The following ERBB4 variants were observed in gnomAD, a reference collection of about 807,000 sequenced individuals.
ERBB4 encodes receptor tyrosine-protein kinase erbB-4.
Under a neutral mutation model 158.0 loss-of-function variants are expected in ERBB4, and 42 were observed. That is an observed-to-expected ratio of 0.27 (90% CI 0.21 to 0.34). The LOEUF (loss-of-function observed/expected upper bound fraction) is 0.34. ERBB4 is among the 10% of genes least tolerant of loss of function. The pLI is 1.00. For synonymous variants in ERBB4, 583 were observed against 558.7 expected (o/e 1.04, Z -0.61); for missense variants, 1,333 against 1,624.1 (o/e 0.82, Z 3.08).
chr2:212,112,379 A>T (rs2079437924), intron 2 of ERBB4, among the ~76,000 whole-genome samples: 1 of 151,992 alleles, frequency 6.6e-6, no homozygotes, highest in Non-Finnish European at 1.5e-5. Flanking sequence ...CTGTCTGCTC[A>T]GGGTCCCCAA....
rs116787238 is a variant in ERBB4, at chr2:212,038,493, G to A, written c.234+86259C>T. Among the ~76,000 whole-genome samples, 161 of 152,216 alleles carry A rather than the reference G, an allele frequency of 1.1e-3. 1 individual carries two copies. Among genetic ancestry groups the A allele is most frequent in the Non-Finnish European group, 1.7e-3 (117 of 67,982 alleles). The stretch of plus-strand genomic sequence containing the variant: ...GTGTGTGACTGAAACAAAGAGGACG[G>A]CTGTTCAAAAATGTATGTCTAAAAT... On this transcript the variant is annotated intron_variant, in intron 2 of 27. Transcript: ENST00000342788.
At chr2:212,472,823 T>C (rs186431141) in intron 1 of ERBB4, among the ~76,000 whole-genome samples, 2 of 152,060 alleles carry the variant, frequency 1.3e-5, no homozygotes, top group Admixed American at 1.3e-4. Context: ...CTGTGGTCCA[T>C]ACTTTCAGTA....
chr2:211,905,647 C>CATAT (rs56758130), intron 3 of ERBB4, among the ~76,000 whole-genome samples: 5,408 of 71,030 alleles, frequency 0.076, 264 homozygotes, highest in East Asian at 0.16. Flanking sequence ...TAGGAAGGAT[C>CATAT]ATATATATAT....
intron 5 of ERBB4, among the ~76,000 whole-genome samples, chr2:211,746,637 T>C (rs987423744): frequency 2.6e-5 from 4 of 152,042 alleles, no homozygotes; most frequent in African/African-American, 9.7e-5. Context: ...AAGACCAGCC[T>C]GACCAACATG....
chr2:212,116,243 A>ATATATTAGATTGATAAATACTAGTCTATT (rs1219355699), intron 2 of ERBB4, among the ~76,000 whole-genome samples: 5 of 151,668 alleles, frequency 3.3e-5, no homozygotes, highest in Non-Finnish European at 7.4e-5. Context: ...ATATCTTTAT[A>ATATATTAGATTGATAAATACTAGTCTATT]TATATTAGAT....
intron 20 of ERBB4, among the ~76,000 whole-genome samples, chr2:211,462,080 G>T (rs2064548583): frequency 6.6e-6 from 1 of 151,966 alleles, no homozygotes; most frequent in African/African-American, 2.4e-5. Flanking sequence ...TCATGGTTTT[G>T]CAGGCTCTAC....
chr2:211,532,335 AC>A (rs1238135856), intron 20 of ERBB4, among the ~76,000 whole-genome samples: 4 of 152,048 alleles, frequency 2.6e-5, no homozygotes, highest in African/African-American at 9.6e-5. Context: ...TGTGATTGAT[AC>A]CCCATTTACC....
At chr2:211,535,941 C>T (rs1470428910) in intron 20 of ERBB4, among the ~76,000 whole-genome samples, 1 of 151,192 alleles carries the variant, frequency 6.6e-6, no homozygotes, top group African/African-American at 2.4e-5. Context: ...TATTAACAGG[C>T]CTACACATGT....
At chr2:212,055,067 C>T (rs778799744) in intron 2 of ERBB4, among the ~76,000 whole-genome samples, 8 of 152,240 alleles carry the variant, frequency 5.3e-5, no homozygotes, top group South Asian at 2.1e-4. Flanking sequence ...GAAGCAGTGA[C>T]GGATGGCACC....
chr2:211,819,170 A>C (rs2076939804), intron 3 of ERBB4, among the ~76,000 whole-genome samples: 2 of 152,066 alleles, frequency 1.3e-5, no homozygotes, highest in African/African-American at 2.4e-5. Context: ...CATTTTTTGC[A>C]TTCATGTATT....
intron 1 of ERBB4, among the ~76,000 whole-genome samples, chr2:212,347,027 T>C (rs2089034913): frequency 6.6e-6 from 1 of 152,096 alleles, no homozygotes; most frequent in Non-Finnish European, 1.5e-5. Flanking sequence ...AACATGAACT[T>C]GTGTGGCACT....
chr2:211,737,064 G>C (rs1324533410), intron 5 of ERBB4, among the ~76,000 whole-genome samples: 5 of 152,054 alleles, frequency 3.3e-5, no homozygotes, highest in African/African-American at 1.2e-4. Context: ...TACATATGCA[G>C]TACCTATTTT....
intron 2 of ERBB4, among the ~76,000 whole-genome samples, chr2:212,121,618 T>C (rs766177783): frequency 6.6e-6 from 1 of 152,230 alleles, no homozygotes. Context: ...TGATGTCTCC[T>C]AAATATCTCC....
intron 1 of ERBB4, among the ~76,000 whole-genome samples, chr2:212,516,980 ACT>A (rs1691883367): frequency 2.0e-5 from 3 of 152,104 alleles, no homozygotes; most frequent in Non-Finnish European, 4.4e-5. Flanking sequence ...AAGTGAGATA[ACT>A]CTTAGTAAAG....
intron 19 of ERBB4, among the ~76,000 whole-genome samples, chr2:211,568,933 A>G (rs1199438764): frequency 6.6e-6 from 1 of 152,152 alleles, no homozygotes; most frequent in Non-Finnish European, 1.5e-5. Flanking sequence ...AATAAACGAA[A>G]TCTGCATCTG....
intron 20 of ERBB4, among the ~76,000 whole-genome samples, chr2:211,472,345 T>A (rs907636017): frequency 6.7e-6 from 1 of 149,760 alleles, no homozygotes; most frequent in African/African-American, 2.4e-5. Context: ...AATATTGATA[T>A]GATAAAAGTC....
At chr2:212,467,831 C>G (rs1304377750) in intron 1 of ERBB4, among the ~76,000 whole-genome samples, 3 of 152,200 alleles carry the variant, frequency 2.0e-5, no homozygotes, top group Non-Finnish European at 4.4e-5. Context: ...GGAAAAACTG[C>G]AGATGCTCAA....
At chr2:212,163,312 T>A (rs186269931) in intron 1 of ERBB4, among the ~76,000 whole-genome samples, 1 of 152,070 alleles carries the variant, frequency 6.6e-6, no homozygotes, top group African/African-American at 2.4e-5. Flanking sequence ...TCACAGGATA[T>A]GACAATTGAA....
chr2:212,522,537 G>A (rs1560546613), intron 1 of ERBB4, among the ~76,000 whole-genome samples: 1 of 151,920 alleles, frequency 6.6e-6, no homozygotes, highest in Non-Finnish European at 1.5e-5. Context: ...CTCTGTATAG[G>A]GGTAAGAGCT....
Sources: gnomAD v4.1 joint callset for allele counts (sites outside exome capture counted in the v4.1 genomes callset) on GRCh38, gnomAD v4.1.1 for gene constraint, MANE v1.5 for transcripts, NCBI Gene and HGNC (gene_info 2026-07-23, HGNC 2026-07-21) for gene names.